Variants in CNTNAP2 observed in about 807,000 individuals in gnomAD.
CNTNAP2 encodes contactin-associated protein-like 2.
CNTNAP2 carries 98 observed loss-of-function variants against 155.2 expected under a neutral mutation model. The ratio of observed to expected loss-of-function variants is 0.63; its 90% CI spans 0.54 to 0.75. The LOEUF (loss-of-function observed/expected upper bound fraction) is 0.75. Among genes scored for constraint, CNTNAP2 ranks in the 30% least tolerant of loss-of-function variants. The probability of loss-of-function intolerance (pLI) is 0.00; values close to 1 mark genes in which losing one functional copy is unlikely to be tolerated. For missense variants in CNTNAP2, 1,727 were observed against 1,688.1 expected, an observed-to-expected ratio of 1.02 and a Z score of -0.40; for synonymous variants, 651 against 631.2, an observed-to-expected ratio of 1.03 and a Z score of -0.47.
At chr7:146,958,995 ATGACTTT>A (rs1331622419) in intron 3 of CNTNAP2, among the ~76,000 whole-genome samples, 2 of 151,682 alleles carry the variant, frequency 1.3e-5, no homozygotes, top group Non-Finnish European at 2.9e-5. Context: ...AATTAGGATA[ATGACTTT>A]TTTATTTTAT....
chr7:147,405,018 T>C (rs1796981971), intron 10 of CNTNAP2, among the ~76,000 whole-genome samples: 1 of 152,198 alleles, frequency 6.6e-6, no homozygotes, highest in Non-Finnish European at 1.5e-5. Flanking sequence ...GTATTCTTCT[T>C]TGATGCATTG....
chr7:146,414,583 T>C (rs1452485403), intron 1 of CNTNAP2, among the ~76,000 whole-genome samples: 1 of 152,158 alleles, frequency 6.6e-6, no homozygotes, highest in African/African-American at 2.4e-5. Context: ...TCATTTGTTT[T>C]CTGGCCTGAT....
intron 13 of CNTNAP2, among the ~76,000 whole-genome samples, chr7:147,831,388 A>C (rs1563104039): frequency 6.6e-6 from 1 of 152,222 alleles, no homozygotes; most frequent in Non-Finnish European, 1.5e-5. Flanking sequence ...AGAACTAAAA[A>C]TTGAATACAT....
At chr7:146,730,970 TA>T (rs1192059332) in intron 1 of CNTNAP2, among the ~76,000 whole-genome samples, 12 of 152,304 alleles carry the variant, frequency 7.9e-5, no homozygotes, top group African/African-American at 2.6e-4. Context: ...AGGACCGTGC[TA>T]AAATTTCAGG....
At chr7:147,655,513 A>G (rs1025985036) in intron 13 of CNTNAP2, among the ~76,000 whole-genome samples, 1 of 152,244 alleles carries the variant, frequency 6.6e-6, no homozygotes, top group Non-Finnish European at 1.5e-5. Context: ...ATGAAAAAAC[A>G]TTAATCTTGT....
chr7:147,214,452 G>T (rs1202376006), intron 8 of CNTNAP2, among the ~76,000 whole-genome samples: 1 of 151,870 alleles, frequency 6.6e-6, no homozygotes, highest in East Asian at 1.9e-4. Flanking sequence ...TTATATGATT[G>T]GTATGATGAT....
chr7:148,364,919 C>T (rs903208757), intron 21 of CNTNAP2, among the ~76,000 whole-genome samples: 1 of 152,212 alleles, frequency 6.6e-6, no homozygotes, highest in Non-Finnish European at 1.5e-5. Context: ...GTAACACTCA[C>T]CGCGAAGGTC....
At chr7:146,723,915 C>T (rs977009465) in intron 1 of CNTNAP2, among the ~76,000 whole-genome samples, 3 of 152,096 alleles carry the variant, frequency 2.0e-5, no homozygotes, top group Admixed American at 1.3e-4. Context: ...TGGAGGTCCC[C>T]GCTGAATTTA....
chr7:146,197,558 G>A, intron 1 of CNTNAP2, among the ~76,000 whole-genome samples: 1 of 152,088 alleles, frequency 6.6e-6, no homozygotes, highest in East Asian at 1.9e-4. Flanking sequence ...AAGCTTGCAG[G>A]TTTAATTACA....
chr7:146,590,935 T>C (rs909335182), intron 1 of CNTNAP2, among the ~76,000 whole-genome samples: 1 of 152,168 alleles, frequency 6.6e-6, no homozygotes, highest in Non-Finnish European at 1.5e-5. Flanking sequence ...TGTTAGATTT[T>C]TTTACTGTTA....
chr7:147,418,311 G>A (rs989573260), intron 10 of CNTNAP2, among the ~76,000 whole-genome samples: 1 of 152,158 alleles, frequency 6.6e-6, no homozygotes, highest in Admixed American at 6.5e-5. Flanking sequence ...GCCCTTAATG[G>A]AAGAATGATC....
chr7:148,079,846 G>A, intron 15 of CNTNAP2, among the ~76,000 whole-genome samples: 1 of 152,142 alleles, frequency 6.6e-6, no homozygotes, highest in East Asian at 1.9e-4. Context: ...AATGAGGCAT[G>A]TGCAACCCCC....
chr7:148,073,471 G>A (rs10257352), intron 15 of CNTNAP2, among the ~76,000 whole-genome samples: 6,752 of 152,252 alleles, frequency 0.044, 360 homozygotes, highest in East Asian at 0.28. Flanking sequence ...ACTTGAACCA[G>A]CCATTTGTCC....
chr7:146,478,053 G>T (rs909296952), intron 1 of CNTNAP2, among the ~76,000 whole-genome samples: 4 of 152,124 alleles, frequency 2.6e-5, no homozygotes, highest in African/African-American at 9.7e-5. Context: ...TTGGGGTTTA[G>T]TTAGGAAAGC....
At chr7:147,586,179 G>A (rs149955341) in intron 12 of CNTNAP2, among the ~76,000 whole-genome samples, 3 of 152,118 alleles carry the variant, frequency 2.0e-5, no homozygotes, top group Non-Finnish European at 4.4e-5. Context: ...TCTGGGTTAC[G>A]TTAAGGGGTT....
At chr7:146,244,903 G>A (rs1395824241) in intron 1 of CNTNAP2, among the ~76,000 whole-genome samples, 1 of 152,100 alleles carries the variant, frequency 6.6e-6, no homozygotes, top group Non-Finnish European at 1.5e-5. Flanking sequence ...TAATTTGCCA[G>A]TCCTGGGTGG....
intron 1 of CNTNAP2, among the ~76,000 whole-genome samples, chr7:146,389,696 CTTTTTTCTTTTT>C (rs1361780562): frequency 7.1e-6 from 1 of 140,824 alleles, no homozygotes. Context: ...TTTTTCTTTT[CTTTTTTCTTTTT>C]TTTTTTTTTT....
chr7:147,709,651 G>A (rs1331132260), intron 13 of CNTNAP2, among the ~76,000 whole-genome samples: 1 of 152,098 alleles, frequency 6.6e-6, no homozygotes, highest in Non-Finnish European at 1.5e-5. Flanking sequence ...TACATACCGA[G>A]CAGCCTTGTT....
chr7:147,647,154 AT>A lies in CNTNAP2; in HGVS notation c.2098+7856del, dbSNP rs953991688. On this transcript the variant is annotated intron_variant, in intron 13 of 23. Transcript: ENST00000361727. ...AGGCGCATGCTGCCACGCCCAGCTA[AT>A]TTTTTTTCTTTTTTTTTTGTATTTT... Among the ~76,000 whole-genome samples the A allele has an allele frequency of 1.1e-3, 171 of 150,302 alleles. 1 individual carries two copies. The highest frequency in any genetic ancestry group is 3.7e-3 in the African/African-American group (151 of 40,680).
Sources: allele counts gnomAD v4.1 joint callset (sites outside exome capture counted in the v4.1 genomes callset), GRCh38; gene constraint gnomAD v4.1.1; transcripts MANE v1.5; gene names NCBI Gene and HGNC (gene_info 2026-07-23, HGNC 2026-07-21).